Variants in SPAST observed in about 807,000 individuals in gnomAD.
SPAST encodes spastic paraplegia 4 (autosomal dominant; spastin).
A neutral mutation model predicts 76.6 loss-of-function variants in SPAST; 30 were observed. That is an observed-to-expected ratio of 0.39 (90% CI 0.29 to 0.53). The LOEUF (loss-of-function observed/expected upper bound fraction) is 0.53. SPAST is among the 20% of genes least tolerant of loss of function. The pLI, the probability that SPAST is intolerant of heterozygous loss-of-function variation, is 0.68. For synonymous variants in SPAST, 305 were observed against 281.0 expected (o/e 1.09, Z -0.86); for missense variants, 717 against 770.5 (o/e 0.93, Z 0.82).
chr2:32,098,548 G>C (rs1678004397), intron 3 of SPAST, among the ~76,000 whole-genome samples: 2 of 152,160 alleles, frequency 1.3e-5, no homozygotes, highest in African/African-American at 4.8e-5. Context: ...AACTACCTCA[G>C]GTTACCTAAC....
chr2:32,135,418 C>T (rs762638271), intron 9 of SPAST, among the ~76,000 whole-genome samples: 29 of 152,068 alleles, frequency 1.9e-4, no homozygotes, highest in Non-Finnish European at 3.7e-4. Flanking sequence ...TCTGAGCCGC[C>T]GCGCCCGGCC....
chr2:32,087,533 A>G lies in SPAST; in HGVS notation c.457A>G (p.Ile153Val). 1.2e-6 allele frequency: 2 copies of G among 1,609,346 alleles called. No homozygotes were observed. Among genetic ancestry groups the G allele is most frequent in the East Asian group, 2.2e-5 (1 of 44,672 alleles). ...AGCTGTGGAATGGTATAAGAAAGGT[A>G]TTGAAGAACTGGAAAAAGGAATAGC... ...EQAVEWYKKG[I>V]EELEKGIAVI... Residue 153 changes from isoleucine to valine, a missense_variant, in exon 2 of 17, where the codon ATT (isoleucine) becomes GTT (valine). Ile to Val is a conservative substitution (Grantham distance 29). Transcript: ENST00000315285.
Position 32,157,016 on chromosome 2 carries a change from G to A in SPAST, c.*2520G>A, listed in dbSNP as rs555506151. On this transcript the variant is annotated 3_prime_UTR_variant, in exon 17 of 17. Coordinates refer to ENST00000315285, the MANE Select transcript of SPAST (RefSeq NM_014946.4). ...AGAGTAATGATATAGTAGGAGATAAGGGATTGGTTTGGTCTTTTTCAATAA... is the reference window on the plus strand; with the variant it reads ...AGAGTAATGATATAGTAGGAGATAAAGGATTGGTTTGGTCTTTTTCAATAA... 11 of 152,466 alleles carry A rather than the reference G, an allele frequency of 7.2e-5. No individual in the cohort carries two copies. The highest frequency in any genetic ancestry group is 2.6e-4 in the African/African-American group (11 of 41,588). The allele number at this position is 152,466 out of a possible 1,614,324, so 9.4% of individuals were successfully genotyped here. A position where few individuals can be genotyped will look rare whatever the true frequency, so the allele number is the denominator to read the frequency against.
chr2:32,101,000 G>T (rs1678098345), intron 4 of SPAST, among the ~76,000 whole-genome samples: 1 of 152,096 alleles, frequency 6.6e-6, no homozygotes, highest in Admixed American at 6.6e-5. Context: ...TGGGTCAAAT[G>T]GTATTTCTAG....
rs13416750 is a variant in SPAST at position 32,082,277 on chromosome 2, G to A, written c.416-5215G>A. On this transcript the variant is annotated intron_variant, in intron 1 of 16. Coordinates refer to ENST00000315285, the MANE Select transcript of SPAST (RefSeq NM_014946.4). Reference sequence around the variant, plus strand: ...CAAAGTGCTGGGATTACAGCCATGAGCCACCGCACCTGGCTCTAGTTCTCT... The same window carrying A: ...CAAAGTGCTGGGATTACAGCCATGAACCACCGCACCTGGCTCTAGTTCTCT... Among the ~76,000 whole-genome samples the A allele has an allele frequency of 7.1e-3, 1,069 of 151,528 alleles. 9 individuals carry two copies. The highest frequency in any genetic ancestry group is 0.024 in the African/African-American group (1,012 of 41,338).
At chr2:32,077,767 T>C (rs1677023675) in intron 1 of SPAST, 1 of 152,216 alleles carries the variant, frequency 6.6e-6, no homozygotes, top group Admixed American at 6.5e-5. Flanking sequence ...CAAGTTAATC[T>C]GTTACGCATA....
chr2:32,115,887 T>C, intron 6 of SPAST, 52 bp downstream of exon 6: 1 of 1,416,576 alleles, frequency 7.1e-7, no homozygotes, highest in Admixed American at 1.9e-5. Context: ...ATTTTAATTT[T>C]ACTTATAAAA....
In SPAST at chr2:32,063,593, C is replaced by T. The variant is rs1676368334; in HGVS notation, c.-239C>T. The T allele has an allele frequency of 1.8e-6, 1 of 544,020 alleles. No homozygotes were observed. Among genetic ancestry groups the T allele is most frequent in the East Asian group, 3.4e-5 (1 of 29,836 alleles). The allele number at this position is 544,020 out of a possible 1,614,324, so 33.7% of individuals were successfully genotyped here. On this transcript the variant is annotated 5_prime_UTR_variant, in exon 1 of 17. Coordinates refer to ENST00000315285, the MANE Select transcript of SPAST (RefSeq NM_014946.4). The stretch of plus-strand genomic sequence containing the variant: ...GGGAGCCACCAGGCGGCGGAGAGGA[C>T]AGCGACAGGAAGGGAGGGGCCCGAG...
At position 32,063,729 on chromosome 2, in the gene SPAST, C is replaced by G. The variant is rs1490004676; in HGVS notation, c.-103C>G. 6.9e-7 allele frequency: 1 copy of G among 1,456,848 alleles called. No individual in the cohort carries two copies. The highest frequency in any genetic ancestry group is 1.3e-5 in the South Asian group (1 of 75,508). 90.2% of individuals were successfully genotyped at this position (1,456,848 alleles called of 1,614,324 possible). On this transcript the variant is annotated 5_prime_UTR_variant, in exon 1 of 17. Coordinates refer to ENST00000315285, the MANE Select transcript of SPAST (RefSeq NM_014946.4). ...GGAGCTCCTGAGACCGGCGGGCACACGGGGGTCTGTGGCCCCCGCCGTAGC... is the reference window on the plus strand; with the variant it reads ...GGAGCTCCTGAGACCGGCGGGCACAGGGGGGTCTGTGGCCCCCGCCGTAGC...
At chr2:32,082,285 A>G (rs1044394507) in intron 1 of SPAST, among the ~76,000 whole-genome samples, 4 of 151,108 alleles carry the variant, frequency 2.6e-5, no homozygotes, top group Non-Finnish European at 5.9e-5. Context: ...GAGCCACCGC[A>G]CCTGGCTCTA....
intron 7 of SPAST, among the ~76,000 whole-genome samples, chr2:32,120,620 C>A (rs1678987564): frequency 7.8e-6 from 1 of 128,004 alleles, no homozygotes; most frequent in Non-Finnish European, 1.6e-5. Flanking sequence ...GAACCACCTT[C>A]TTCTTTTCAT....
intron 12 of SPAST, 92 bp from the exon 13 acceptor site, chr2:32,141,812 A>G: frequency 2.0e-6 from 2 of 997,870 alleles, no homozygotes; most frequent in Non-Finnish European, 3.1e-6. Flanking sequence ...CAGTGCCTTG[A>G]ATATTATATT....
intron 12 of SPAST, 58 bp downstream of exon 12, chr2:32,137,246 T>A: frequency 8.1e-7 from 1 of 1,240,206 alleles, no homozygotes; most frequent in South Asian, 1.2e-5. Context: ...TACTCATGTG[T>A]CCATCTTACA....
At chr2:32,102,312 C>G (rs1369501445) in intron 4 of SPAST, among the ~76,000 whole-genome samples, 1 of 152,310 alleles carries the variant, frequency 6.6e-6, no homozygotes, top group African/African-American at 2.4e-5. Context: ...GATTTTTGCA[C>G]ATTGATTTTG....
At chr2:32,149,784 T>C (rs1199478792) in intron 16 of SPAST, among the ~76,000 whole-genome samples, 1 of 152,210 alleles carries the variant, frequency 6.6e-6, no homozygotes, top group Non-Finnish European at 1.5e-5. Context: ...ATGCAAATAC[T>C]GCACCATTTT....
chr2:32,064,839 C>T (rs532586920), intron 1 of SPAST, among the ~76,000 whole-genome samples: 134 of 152,174 alleles, frequency 8.8e-4, no homozygotes, highest in African/African-American at 3.1e-3. Context: ...AAAACTTTTC[C>T]CCCTGTTGCT....
chr2:32,081,823 A>G (rs1432884125), intron 1 of SPAST, among the ~76,000 whole-genome samples: 1 of 149,844 alleles, frequency 6.7e-6, no homozygotes, highest in African/African-American at 2.4e-5. Context: ...AAGTGCTCCA[A>G]ATGCTGGGCT....
At chr2:32,102,154 G>A (rs1558314042) in intron 4 of SPAST, among the ~76,000 whole-genome samples, 1 of 152,136 alleles carries the variant, frequency 6.6e-6, no homozygotes, top group Non-Finnish European at 1.5e-5. Context: ...ATTTCATTGA[G>A]CAGTGGTTTG....
At chr2:32,124,495 T>A (rs1679127009) in intron 7 of SPAST, among the ~76,000 whole-genome samples, 2 of 149,350 alleles carry the variant, frequency 1.3e-5, no homozygotes. Flanking sequence ...GTTTGACAGT[T>A]TCTTACAAAA....
Sources: allele counts gnomAD v4.1 joint callset (sites outside exome capture counted in the v4.1 genomes callset), GRCh38; gene constraint gnomAD v4.1.1; transcripts MANE v1.5; gene names NCBI Gene and HGNC (gene_info 2026-07-23, HGNC 2026-07-21).